CHRM3: variants seen among roughly 807,000 people sequenced by gnomAD.
The protein encoded by CHRM3 is cholinergic receptor muscarinic 3.
CHRM3 carries 11 observed loss-of-function variants against 41.8 expected under a neutral mutation model. The ratio of observed to expected loss-of-function variants is 0.26; its 90% confidence interval spans 0.17 to 0.44. The LOEUF (loss-of-function observed/expected upper bound fraction) is 0.44. Ranked by LOEUF, CHRM3 falls within the 20% of genes least tolerant of loss-of-function variation. The pLI, the probability that CHRM3 is intolerant of heterozygous loss-of-function variation, is 1.00. For missense variants in CHRM3, 571 were observed against 745.4 expected, an observed-to-expected ratio of 0.77 and a Z score of 2.72; for synonymous variants, 297 against 301.4, an observed-to-expected ratio of 0.99 and a Z score of 0.15.
At chr1:239,837,258 G>C (rs1361522679) in intron 6 of CHRM3, among the ~76,000 whole-genome samples, 1 of 152,156 alleles carries the variant, frequency 6.6e-6, no homozygotes, top group Admixed American at 6.5e-5. Flanking sequence ...AGCCAATAAA[G>C]TGATACATCT....
chr1:239,759,156 G>GT (rs1558518322), intron 5 of CHRM3, among the ~76,000 whole-genome samples: 76 of 132,996 alleles, frequency 5.7e-4, no homozygotes, highest in African/African-American at 2.4e-3. Context: ...GAGCTTTATG[G>GT]GTTTTTTTTT....
intron 6 of CHRM3, among the ~76,000 whole-genome samples, chr1:239,894,086 G>A (rs186371221): frequency 3.5e-4 from 54 of 152,180 alleles, no homozygotes; most frequent in African/African-American, 1.1e-3. Context: ...AAAAACTGAT[G>A]ACTAATAAAG....
At chr1:239,707,846 TA>T (rs1410205609) in intron 5 of CHRM3, 3 of 152,196 alleles carry the variant, frequency 2.0e-5, no homozygotes, top group Non-Finnish European at 2.9e-5. Flanking sequence ...GGATTGAAAA[TA>T]AACATACCTT....
chr1:239,652,054 T>C (rs920057738), intron 4 of CHRM3, among the ~76,000 whole-genome samples: 3 of 151,940 alleles, frequency 2.0e-5, no homozygotes, highest in Admixed American at 6.6e-5. Context: ...ATGCACTATA[T>C]GATTAACTGC....
At chr1:239,860,912 C>G (rs1048395139) in intron 6 of CHRM3, among the ~76,000 whole-genome samples, 5 of 152,100 alleles carry the variant, frequency 3.3e-5, no homozygotes, top group African/African-American at 1.2e-4. Flanking sequence ...CAGTTGTAGT[C>G]ATTATATCTA....
rs1680438061 is a variant in CHRM3 at position 239,912,769 on chromosome 1, G to A, written c.*3545G>A. 1 of 167,176 alleles carries A rather than the reference G, an allele frequency of 6.0e-6. No individual in the cohort carries two copies. The highest frequency in any genetic ancestry group is 2.1e-4 in the South Asian group (1 of 4,834). 10.4% of individuals were successfully genotyped at this position (167,176 alleles called of 1,614,324 possible). A position where few individuals can be genotyped will look rare whatever the true frequency, so the allele number is the denominator to read the frequency against. On this transcript the variant is annotated 3_prime_UTR_variant, in exon 7 of 7. Coordinates refer to ENST00000676153, the MANE Select transcript of CHRM3 (RefSeq NM_001375978.1). ...TGAGTAGAGATGATTCAAGGATGGGGACATATTCCAGGAAATTGCACAATC... is the reference window on the plus strand; with the variant it reads ...TGAGTAGAGATGATTCAAGGATGGGAACATATTCCAGGAAATTGCACAATC...
chr1:239,727,344 G>A (rs1467347207), intron 5 of CHRM3, among the ~76,000 whole-genome samples: 1 of 151,902 alleles, frequency 6.6e-6, no homozygotes, highest in African/African-American at 2.4e-5. Context: ...TAAAATGTCA[G>A]TTTCATAATT....
intron 1 of CHRM3, among the ~76,000 whole-genome samples, chr1:239,410,354 C>T (rs1660968822): frequency 6.6e-6 from 1 of 152,166 alleles, no homozygotes; most frequent in African/African-American, 2.4e-5. Flanking sequence ...AATTTTAATA[C>T]CATACATATA....
At chr1:239,605,108 A>T (rs567069238) in intron 3 of CHRM3, among the ~76,000 whole-genome samples, 1 of 152,216 alleles carries the variant, frequency 6.6e-6, no homozygotes, top group South Asian at 2.1e-4. Context: ...TACATATTTC[A>T]TGAAGTCATG....
At chr1:239,872,384 A>G (rs578240672) in intron 6 of CHRM3, among the ~76,000 whole-genome samples, 101 of 152,312 alleles carry the variant, frequency 6.6e-4, no homozygotes, top group African/African-American at 2.3e-3. Flanking sequence ...AGCAGCAATT[A>G]TACCCAACAG....
chr1:239,690,344 C>G (rs983470542), intron 5 of CHRM3, among the ~76,000 whole-genome samples: 2 of 152,012 alleles, frequency 1.3e-5, no homozygotes, highest in Non-Finnish European at 2.9e-5. Context: ...CTCAGTATCC[C>G]GAGTAGCTGG....
intron 1 of CHRM3, among the ~76,000 whole-genome samples, chr1:239,440,581 C>T (rs1663641511): frequency 6.6e-6 from 1 of 152,174 alleles, no homozygotes; most frequent in Admixed American, 6.5e-5. Flanking sequence ...GAATTAAGGG[C>T]AGGGCCAACT....
At chr1:239,859,419 G>GTTTTTTTTTTTTTTTTTTTT in intron 6 of CHRM3, among the ~76,000 whole-genome samples, 1 of 97,492 alleles carries the variant, frequency 1.0e-5, no homozygotes, top group Non-Finnish European at 2.1e-5. Context: ...TGTTGTTGTT[G>GTTTTTTTTTTTTTTTTTTTT]TTTTTTTTTT....
At chr1:239,865,237 C>T (rs567513158) in intron 6 of CHRM3, among the ~76,000 whole-genome samples, 1 of 146,950 alleles carries the variant, frequency 6.8e-6, no homozygotes, top group African/African-American at 2.7e-5. Flanking sequence ...GTATAGGATA[C>T]TCCTGTTTGT....
intron 1 of CHRM3, among the ~76,000 whole-genome samples, chr1:239,480,569 T>TTTTTTTTG (rs1558254444): frequency 1.5e-5 from 2 of 135,362 alleles, no homozygotes; most frequent in African/African-American, 5.4e-5. Context: ...TTTTTTTTTT[T>TTTTTTTTG]TTGTTGAGAC....
intron 5 of CHRM3, among the ~76,000 whole-genome samples, chr1:239,785,457 G>A (rs1463058053): frequency 6.6e-6 from 1 of 152,148 alleles, no homozygotes; most frequent in Admixed American, 6.6e-5. Flanking sequence ...AAAATAAATT[G>A]TGTAAACCCT....
At chr1:239,893,888 G>A (rs975133616) in intron 6 of CHRM3, among the ~76,000 whole-genome samples, 1 of 151,748 alleles carries the variant, frequency 6.6e-6, no homozygotes, top group Non-Finnish European at 1.5e-5. Context: ...TTCTTTGCTC[G>A]GTATCTTACC....
chr1:239,656,483 GA>G (rs796199180), intron 4 of CHRM3, among the ~76,000 whole-genome samples: 3 of 149,212 alleles, frequency 2.0e-5, no homozygotes, highest in South Asian at 2.1e-4. Context: ...AAAGAAAAAA[GA>G]AAAAAAAAGT....
intron 5 of CHRM3, among the ~76,000 whole-genome samples, chr1:239,728,993 A>C (rs1417496509): frequency 6.6e-6 from 1 of 151,946 alleles, no homozygotes; most frequent in Non-Finnish European, 1.5e-5. Context: ...GCATGAGATG[A>C]GAACACTGAG....
Sources: allele counts gnomAD v4.1 joint callset (sites outside exome capture counted in the v4.1 genomes callset), GRCh38; gene constraint gnomAD v4.1.1; transcripts MANE v1.5; gene names NCBI Gene and HGNC (gene_info 2026-07-23, HGNC 2026-07-21).